NAV2: variants seen among roughly 807,000 people sequenced by gnomAD.
The protein encoded by NAV2 is helicase, APC down-regulated 1.
Under a neutral mutation model 223.2 loss-of-function variants are expected in NAV2, and 54 were observed. The observed-to-expected ratio is 0.24, with a 90% CI of 0.19 to 0.30. The LOEUF (loss-of-function observed/expected upper bound fraction) is 0.30. Ranked by LOEUF, NAV2 falls within the 10% of genes least tolerant of loss-of-function variation. The probability of loss-of-function intolerance (pLI) is 1.00; values close to 1 mark genes in which losing one functional copy is unlikely to be tolerated. For synonymous variants in NAV2, 1,279 were observed against 1,239.3 expected (o/e 1.03, Z -0.67); for missense variants, 2,806 against 3,147.5 (o/e 0.89, Z 2.60).
At chr11:19,626,370 C>G (rs1451225953) in intron 1 of NAV2, among the ~76,000 whole-genome samples, 1 of 152,194 alleles carries the variant, frequency 6.6e-6, no homozygotes, top group Admixed American at 6.5e-5. Flanking sequence ...GTTCTCTATT[C>G]CGTTCCACTG....
At chr11:19,878,527 C>T (rs534108425) in intron 4 of NAV2, among the ~76,000 whole-genome samples, 53 of 152,244 alleles carry the variant, frequency 3.5e-4, no homozygotes, top group East Asian at 5.8e-4. Context: ...GAACTCACGG[C>T]TTAGGTTTTC....
chr11:19,890,896 T>C (rs955947016), intron 5 of NAV2, among the ~76,000 whole-genome samples: 1 of 152,198 alleles, frequency 6.6e-6, no homozygotes, highest in African/African-American at 2.4e-5. Context: ...CCAAAGGAGA[T>C]GAGGTAAATT....
At chr11:19,507,641 G>T (rs2043161941) in intron 1 of NAV2, among the ~76,000 whole-genome samples, 1 of 152,176 alleles carries the variant, frequency 6.6e-6, no homozygotes, top group African/African-American at 2.4e-5. Context: ...GATGTGAAAT[G>T]CTTAGCTCAG....
intron 1 of NAV2, among the ~76,000 whole-genome samples, chr11:19,579,428 G>A (rs1298046760): frequency 2.0e-5 from 3 of 152,128 alleles, no homozygotes; most frequent in Non-Finnish European, 4.4e-5. Context: ...CACAGCTCAA[G>A]CAGCTGGACA....
At chr11:19,480,034 G>A (rs1474550423) in intron 1 of NAV2, among the ~76,000 whole-genome samples, 1 of 152,146 alleles carries the variant, frequency 6.6e-6, no homozygotes, top group Non-Finnish European at 1.5e-5. Context: ...TTGCTTTTAT[G>A]CTAGGACAGT....
At chr11:19,748,769 C>T (rs1303414681) in intron 1 of NAV2, among the ~76,000 whole-genome samples, 4 of 152,244 alleles carry the variant, frequency 2.6e-5, no homozygotes, top group Admixed American at 6.5e-5. Flanking sequence ...AGGCACCTCA[C>T]TTCACAGAGA....
At chr11:19,392,215 A>T (rs1003913017) in intron 1 of NAV2, among the ~76,000 whole-genome samples, 3 of 152,236 alleles carry the variant, frequency 2.0e-5, no homozygotes, top group African/African-American at 7.2e-5. Context: ...TATTTGAGGC[A>T]TGAATTAATC....
intron 1 of NAV2, among the ~76,000 whole-genome samples, chr11:19,423,352 A>G (rs1333790938): frequency 1.3e-5 from 2 of 152,210 alleles, no homozygotes; most frequent in Non-Finnish European, 2.9e-5. Context: ...CATTCTACAG[A>G]TGGTCATGGA....
At chr11:20,070,527 G>C (rs945540647) in intron 22 of NAV2, among the ~76,000 whole-genome samples, 3 of 152,138 alleles carry the variant, frequency 2.0e-5, no homozygotes, top group Non-Finnish European at 4.4e-5. Context: ...TTCCAGAAGA[G>C]TGTTTTGTTC....
chr11:19,828,117 G>A (rs1339366864), intron 1 of NAV2, among the ~76,000 whole-genome samples: 1 of 152,134 alleles, frequency 6.6e-6, no homozygotes, highest in Admixed American at 6.5e-5. Flanking sequence ...TTACCCCACT[G>A]CACCCCAGCC....
intron 1 of NAV2, among the ~76,000 whole-genome samples, chr11:19,398,654 G>A (rs933721024): frequency 2.6e-5 from 4 of 152,146 alleles, no homozygotes; most frequent in African/African-American, 7.2e-5. Context: ...CCTTCTGGGT[G>A]TCCTTCCCTA....
intron 1 of NAV2, among the ~76,000 whole-genome samples, chr11:19,422,447 A>G (rs1054657460): frequency 6.6e-6 from 1 of 152,176 alleles, no homozygotes; most frequent in African/African-American, 2.4e-5. Flanking sequence ...GGGCTGAAAG[A>G]AAGGGAAGGA....
intron 4 of NAV2, among the ~76,000 whole-genome samples, chr11:19,871,741 C>T (rs577791920): frequency 9.9e-5 from 15 of 152,250 alleles, no homozygotes; most frequent in African/African-American, 3.4e-4. Flanking sequence ...AGTCTCTCTC[C>T]GGTTCTTTTC....
intron 36 of NAV2, among the ~76,000 whole-genome samples, chr11:20,108,588 G>T (rs11025387): frequency 6.7e-6 from 1 of 148,792 alleles, no homozygotes; most frequent in Non-Finnish European, 1.5e-5. Context: ...GATTACAGGC[G>T]TGTGCTACCA....
rs182082634 is a variant in NAV2, at chr11:20,070,022, A to G, written c.4983+1624A>G. On this transcript the variant is annotated intron_variant, in intron 22 of 37. Coordinates refer to ENST00000349880, the MANE Select transcript of NAV2 (RefSeq NM_145117.5). ...AATCTTTGATTTTTTTAAAAACCCT[A>G]ACGTAGGAGACCACAACGTGTTTTG... Among the ~76,000 whole-genome samples the G allele has an allele frequency of 3.3e-5, 5 of 152,216 alleles. No individual in the cohort carries two copies. In the East Asian group the frequency reaches 9.7e-4, roughly 29 times the overall value.
chr11:19,439,178 G>A (rs369305440), intron 1 of NAV2, among the ~76,000 whole-genome samples: 1 of 152,072 alleles, frequency 6.6e-6, no homozygotes, highest in African/African-American at 2.4e-5. Flanking sequence ...CCTATGGCTC[G>A]GGAAGTTCCA....
chr11:19,501,812 G>T (rs114373942), intron 1 of NAV2, among the ~76,000 whole-genome samples: 1 of 151,962 alleles, frequency 6.6e-6, no homozygotes, highest in African/African-American at 2.4e-5. Context: ...GAAATGAGCC[G>T]GCGTCTCTTC....
intron 1 of NAV2, among the ~76,000 whole-genome samples, chr11:19,447,719 A>G (rs1459270416): frequency 6.6e-6 from 1 of 152,234 alleles, no homozygotes; most frequent in Non-Finnish European, 1.5e-5. Flanking sequence ...TACCCACAGA[A>G]TAAGTCACAG....
chr11:19,970,029 A>G (rs571623000), intron 10 of NAV2, among the ~76,000 whole-genome samples: 1 of 152,342 alleles, frequency 6.6e-6, no homozygotes, highest in South Asian at 2.1e-4. Context: ...ATGCTCTAAT[A>G]AAAGTTATGT....
Sources: allele counts gnomAD v4.1 joint callset (sites outside exome capture counted in the v4.1 genomes callset), GRCh38; gene constraint gnomAD v4.1.1; transcripts MANE v1.5; gene names NCBI Gene and HGNC (gene_info 2026-07-23, HGNC 2026-07-21).